ARHGAP32: variants seen among roughly 807,000 people sequenced by gnomAD.
ARHGAP32 encodes the protein Rho GTPase activating protein 32.
A neutral mutation model predicts 186.5 loss-of-function variants in ARHGAP32; 51 were observed. The observed-to-expected ratio is 0.27, with a 90% CI of 0.22 to 0.35. The LOEUF is 0.35. ARHGAP32 is among the 10% of genes least tolerant of loss of function. ARHGAP32 has a pLI of 1.00. For missense variants in ARHGAP32, 2,186 were observed against 2,623.5 expected, an observed-to-expected ratio of 0.83 and a Z score of 3.64; for synonymous variants, 950 against 964.3, an observed-to-expected ratio of 0.99 and a Z score of 0.27.
At chr11:129,208,185 A>G (rs1944539495) in intron 1 of ARHGAP32, among the ~76,000 whole-genome samples, 1 of 152,200 alleles carries the variant, frequency 6.6e-6, no homozygotes, top group Admixed American at 6.6e-5. Flanking sequence ...GGAAAGAGGA[A>G]ACAACTTATC....
In ARHGAP32 at chr11:128,969,786, T is replaced by C; in HGVS notation, c.5427A>G (p.Lys1809=). Residue 1809 remains lysine, a synonymous_variant, in exon 23 of 23, where the codon AAA becomes AAG. Coordinates refer to ENST00000682385, the MANE Select transcript of ARHGAP32 (RefSeq NM_001378024.1). This position sits in a 1 kb window ranked among gnomAD's most constrained non-coding sequence, Gnocchi z 4.8. The part of the protein sequence containing the change: ...GGIYVIHLRS[K]SDPGKTGLLS... ...GAAGTCCAGTTTTCCCAGGATCTGA[T>C]TTACTACGCAGATGGATGACATAGA... 6.2e-7 allele frequency: 1 copy of C among 1,614,172 alleles called. No homozygotes were observed. The highest frequency in any genetic ancestry group is 1.3e-5 in the African/African-American group (1 of 75,044).
intron 1 of ARHGAP32, among the ~76,000 whole-genome samples, chr11:129,247,212 C>G (rs1012680313): frequency 6.6e-6 from 1 of 151,750 alleles, no homozygotes; most frequent in African/African-American, 2.4e-5. Context: ...ATAAACAACT[C>G]TTGGTTAAAG....
chr11:128,981,624 T>A, intron 16 of ARHGAP32, 63 bp from the exon 17 acceptor site: 1 of 1,516,100 alleles, frequency 6.6e-7, no homozygotes, highest in South Asian at 1.3e-5. Flanking sequence ...GCCTCTTTTT[T>A]TAAACGTGTA....
chr11:129,156,058 T>A (rs1189075190), intron 2 of ARHGAP32, among the ~76,000 whole-genome samples: 2 of 152,090 alleles, frequency 1.3e-5, no homozygotes, highest in African/African-American at 4.8e-5. Context: ...TGCATTCTGA[T>A]CCAAATACTA....
chr11:128,984,261 G>C (rs1945798181), intron 15 of ARHGAP32, among the ~76,000 whole-genome samples: 1 of 152,036 alleles, frequency 6.6e-6, no homozygotes, highest in East Asian at 1.9e-4. Flanking sequence ...AGTGGTCTCA[G>C]CTACTTGGGG....
chr11:129,252,898 G>A lies in ARHGAP32; in HGVS notation c.-5+26248C>T, dbSNP rs183452164. 7.1e-4 allele frequency among the ~76,000 whole-genome samples: 108 copies of A among 152,272 alleles called. 4 individuals carry two copies. The highest frequency in any genetic ancestry group is 7.1e-3 in the Admixed American group (108 of 15,282). The stretch of plus-strand genomic sequence containing the variant: ...AAACTCACTAGGGAATCCCCACCTA[G>A]AGAAGCTCCCTGAATCTTGCATATG... On this transcript the variant is annotated intron_variant, in intron 1 of 6. Coordinates refer to the ARHGAP32 transcript ENST00000525234.
chr11:129,202,322 G>A (rs1944464949), intron 1 of ARHGAP32, among the ~76,000 whole-genome samples: 2 of 152,054 alleles, frequency 1.3e-5, no homozygotes, highest in African/African-American at 4.8e-5. Context: ...CTCTTGAGTA[G>A]GTGGATGCTG....
At chr11:128,982,040 A>G in intron 15 of ARHGAP32, 104 bp from the exon 16 acceptor site, 1 of 692,070 alleles carries the variant, frequency 1.4e-6, no homozygotes, top group Middle Eastern at 3.7e-4. Context: ...CAAAATGAAG[A>G]AAGGGACCAT....
chr11:129,171,488 T>C (rs1042974684), intron 1 of ARHGAP32, among the ~76,000 whole-genome samples: 2 of 152,166 alleles, frequency 1.3e-5, no homozygotes, highest in Non-Finnish European at 2.9e-5. Flanking sequence ...TGTAGATGTG[T>C]GGTGTTATTT....
intron 11 of ARHGAP32, among the ~76,000 whole-genome samples, chr11:129,020,198 T>C (rs1268846591): frequency 6.6e-6 from 1 of 151,986 alleles, no homozygotes; most frequent in African/African-American, 2.4e-5. Flanking sequence ...TCAAAAAAAA[T>C]TAGGTTCTCT....
chr11:128,987,980 A>G (rs751648795), intron 13 of ARHGAP32, 43 bp downstream of exon 13: 2 of 1,251,118 alleles, frequency 1.6e-6, no homozygotes, highest in South Asian at 2.5e-5. Context: ...TTTGCATTTT[A>G]ATTAGTTAAG....
intron 18 of ARHGAP32, 99 bp downstream of exon 18, chr11:128,980,454 A>C: frequency 1.1e-6 from 1 of 917,724 alleles, no homozygotes; most frequent in East Asian, 2.7e-5. Context: ...AGAATTCAAT[A>C]GAGTAATACT....
rs572459532 is a variant in ARHGAP32, at chr11:129,132,979, G to A, written c.226-8085C>T. On this transcript the variant is annotated intron_variant, in intron 2 of 22. Coordinates refer to ENST00000682385, the MANE Select transcript of ARHGAP32 (RefSeq NM_001378024.1). ...GCTTAATAAAATACCCTGAGACTGGGTAATTTACAAAGAAAAGGGGTTTAG... is the reference window on the plus strand; with the variant it reads ...GCTTAATAAAATACCCTGAGACTGGATAATTTACAAAGAAAAGGGGTTTAG... Among the ~76,000 whole-genome samples the A allele has an allele frequency of 2.0e-5, 3 of 152,278 alleles. No individual in the cohort carries two copies. The South Asian group carries it at 6.2e-4, about 32-fold the overall frequency.
At chr11:129,193,732 A>ATATATTATATAATATATATTATATATT (rs1491217015), upstream of ARHGAP32, among the ~76,000 whole-genome samples, 2 of 80,314 alleles carry the variant, frequency 2.5e-5, no homozygotes, top group African/African-American at 1.1e-4. Flanking sequence ...TATTATATAT[A>ATATATTATATAATATATATTATATATT]ATATATATTA....
At chr11:129,159,328 A>G (rs1943480525) in intron 2 of ARHGAP32, among the ~76,000 whole-genome samples, 1 of 152,188 alleles carries the variant, frequency 6.6e-6, no homozygotes, top group Admixed American at 6.6e-5. Context: ...AGAAGAAAAG[A>G]GAGAAGAATA....
chr11:129,185,823 A>C (rs1944148843), intron 1 of ARHGAP32, among the ~76,000 whole-genome samples: 1 of 152,080 alleles, frequency 6.6e-6, no homozygotes, highest in Admixed American at 6.6e-5. Flanking sequence ...ATACATACAC[A>C]GAAAGAGAGA....
intron 11 of ARHGAP32, among the ~76,000 whole-genome samples, chr11:129,019,987 T>C (rs1938528249): frequency 6.6e-6 from 1 of 152,030 alleles, no homozygotes; most frequent in East Asian, 1.9e-4. Context: ...CTCAGATTAG[T>C]AATATGAAAA....
intron 10 of ARHGAP32, among the ~76,000 whole-genome samples, chr11:129,043,214 T>C (rs1939666563): frequency 6.6e-6 from 1 of 152,166 alleles, no homozygotes; most frequent in African/African-American, 2.4e-5. Context: ...TCTGAAATTA[T>C]AGTGCTCTCC....
At chr11:129,029,784 A>AGAGG (rs1481859402) in intron 11 of ARHGAP32, among the ~76,000 whole-genome samples, 2 of 108,846 alleles carry the variant, frequency 1.8e-5, no homozygotes, top group Non-Finnish European at 3.5e-5. Context: ...CCTGGGGGAC[A>AGAGG]GAGGGAGACT....
Sources: allele counts gnomAD v4.1 joint callset (sites outside exome capture counted in the v4.1 genomes callset), GRCh38; gene constraint gnomAD v4.1.1; non-coding constraint Gnocchi (gnomAD v3.1); transcripts MANE v1.5; gene names NCBI Gene and HGNC (gene_info 2026-07-23, HGNC 2026-07-21).